The following NPIPB11 variants were observed in gnomAD, a reference collection of about 807,000 sequenced individuals.
The protein encoded by NPIPB11 is nuclear pore complex interacting protein family member B11, also known as nuclear pore complex-interacting protein family member B11.
Under a neutral mutation model 32.8 loss-of-function variants are expected in NPIPB11, and 17 were observed. That is an observed-to-expected ratio of 0.52 (90% confidence interval 0.35 to 0.78). The LOEUF is 0.78. NPIPB11 is among the 30% of genes least tolerant of loss of function. The pLI, the probability that NPIPB11 is intolerant of heterozygous loss-of-function variation, is 0.01. For missense variants in NPIPB11, 537 were observed against 1,000.4 expected (o/e 0.54, Z 6.25); for synonymous variants, 209 against 398.4 (o/e 0.52, Z 5.66).
At chr16:29,389,448 T>G (rs1596674387) in intron 5 of NPIPB11, among the ~76,000 whole-genome samples, 2 of 128,026 alleles carry the variant, frequency 1.6e-5, no homozygotes, top group African/African-American at 6.0e-5. Flanking sequence ...CTGAGGCAGG[T>G]GGATTACCTG....
intron 2 of NPIPB11, among the ~76,000 whole-genome samples, chr16:29,397,937 T>A (rs1963902785): frequency 2.2e-5 from 2 of 91,436 alleles, no homozygotes; most frequent in South Asian, 6.9e-4. Context: ...ACGGAGAAGA[T>A]CAGGGAAGCA....
At chr16:29,394,669 C>A (rs1048874481) in intron 2 of NPIPB11, among the ~76,000 whole-genome samples, 2 of 151,992 alleles carry the variant, frequency 1.3e-5, no homozygotes, top group African/African-American at 2.4e-5. Context: ...TCCTGACAGG[C>A]GATCTGCCTG....
chr16:29,394,092 T>A lies in NPIPB11; in HGVS notation c.121-16A>T. 1 of 1,594,688 alleles carries A rather than the reference T, an allele frequency of 6.3e-7. No individual in the cohort carries two copies. Reference sequence around the variant, plus strand: ...TATTGATAACCTGGAATAATAATAGTTGAAATAATGAAAAGGTCAATGACA... The same window carrying A: ...TATTGATAACCTGGAATAATAATAGATGAAATAATGAAAAGGTCAATGACA... On this transcript the variant is annotated splice_polypyrimidine_tract_variant and intron_variant, in intron 2 of 7. Coordinates refer to ENST00000524087, the Ensembl canonical transcript of NPIPB11.
intron 3 of NPIPB11, among the ~76,000 whole-genome samples, chr16:29,392,213 G>A (rs1963739392): frequency 6.6e-6 from 1 of 152,150 alleles, no homozygotes; most frequent in African/African-American, 2.4e-5. Flanking sequence ...TTGGAGCTAG[G>A]AGAAATGTCA....
intron 2 of NPIPB11, among the ~76,000 whole-genome samples, chr16:29,401,082 A>C (rs933356601): frequency 6.6e-6 from 1 of 152,026 alleles, no homozygotes. Context: ...AGGCCCCACG[A>C]TGTTTTGGGA....
chr16:29,397,547 G>C (rs545977854), intron 2 of NPIPB11: 18 of 1,513,016 alleles, frequency 1.2e-5, no homozygotes, highest in Non-Finnish European at 1.2e-5. Flanking sequence ...AAGAAACCCC[G>C]AGGGTCCAGC....
At position 29,393,949 on chromosome 16, in the gene NPIPB11, C is replaced by G. The variant is rs1596678044; in HGVS notation, c.248G>C (p.Trp83Ser). Reference sequence around the variant, plus strand: ...TCTACAGAAAGTTAGTATACTCACCCAAAGGTAAACTATCCAGAGGGTAAT... The same window carrying G: ...TCTACAGAAAGTTAGTATACTCACCGAAAGGTAAACTATCCAGAGGGTAAT... The change falls in exon 3 of 8, where the codon TGG becomes TCG. Residue 83 changes from tryptophan to serine, a missense_variant and splice_region_variant. Coordinates refer to ENST00000524087, the Ensembl canonical transcript of NPIPB11. 5 of 1,596,204 alleles carry G rather than the reference C, an allele frequency of 3.1e-6. No homozygotes were observed. In the East Asian group the frequency reaches 1.1e-4, roughly 36 times the overall value.
intron 5 of NPIPB11, among the ~76,000 whole-genome samples, chr16:29,389,374 A>T (rs1963652658): frequency 7.2e-6 from 1 of 139,162 alleles, no homozygotes. Context: ...AATTAAAAAA[A>T]AAAAAAAAAA....
chr16:29,405,689 T>C (rs1964098839), upstream of NPIPB11, among the ~76,000 whole-genome samples: 2 of 152,136 alleles, frequency 1.3e-5, no homozygotes, highest in Admixed American at 1.3e-4. Context: ...CTCCAGCCCA[T>C]GGAGAATAAT....
At chr16:29,405,463 A>T (rs1964093560), upstream of NPIPB11, among the ~76,000 whole-genome samples, 1 of 152,186 alleles carries the variant, frequency 6.6e-6, no homozygotes, top group Admixed American at 6.5e-5. Flanking sequence ...GTTAACATTA[A>T]TTAAGCCGTC....
intron 2 of NPIPB11, among the ~76,000 whole-genome samples, chr16:29,402,724 C>CTCTGTGTGTGTGTG (rs1449821025): frequency 2.6e-4 from 31 of 119,668 alleles, no homozygotes; most frequent in East Asian, 8.6e-4. Context: ...CTCTCTCTCT[C>CTCTGTGTGTGTGTG]TGTGTGTGTG....
chr16:29,406,398 G>C, upstream of NPIPB11, among the ~76,000 whole-genome samples: 2 of 131,428 alleles, frequency 1.5e-5, no homozygotes, highest in Admixed American at 1.5e-4. Context: ...TATGCTAAAT[G>C]TTTGCTAAAG....
chr16:29,401,796 G>A (rs1370406708), intron 2 of NPIPB11, among the ~76,000 whole-genome samples: 1 of 152,088 alleles, frequency 6.6e-6, no homozygotes, highest in Non-Finnish European at 1.5e-5. Flanking sequence ...CCCATATGGA[G>A]GCTGCTCCTT....
chr16:29,397,589 A>G (rs1391512887), intron 2 of NPIPB11: 1 of 1,513,502 alleles, frequency 6.6e-7, no homozygotes, highest in Non-Finnish European at 8.9e-7. Flanking sequence ...GATGGCTGAT[A>G]AATTCCAGCA....
At chr16:29,393,480 A>G (rs1442517334) in intron 3 of NPIPB11, among the ~76,000 whole-genome samples, 1 of 152,024 alleles carries the variant, frequency 6.6e-6, no homozygotes, top group Non-Finnish European at 1.5e-5. Flanking sequence ...CGGCAGTTCT[A>G]GCAGTCTCAT....
At chr16:29,394,433 T>TC (rs1179956023) in intron 2 of NPIPB11, among the ~76,000 whole-genome samples, 4 of 149,858 alleles carry the variant, frequency 2.7e-5, no homozygotes, top group Non-Finnish European at 6.0e-5. Flanking sequence ...AAACCTCTTT[T>TC]TTTTTTTTTT....
chr16:29,399,762 T>C (rs1284764998), intron 2 of NPIPB11, among the ~76,000 whole-genome samples: 1 of 150,594 alleles, frequency 6.6e-6, no homozygotes, highest in East Asian at 2.0e-4. Flanking sequence ...TTCAATTCTA[T>C]TTATATGCTG....
chr16:29,402,976 A>G (rs1457839254), intron 2 of NPIPB11, among the ~76,000 whole-genome samples: 7 of 150,510 alleles, frequency 4.7e-5, no homozygotes, highest in African/African-American at 1.5e-4. Context: ...ATTCAAAATT[A>G]TAGAACATAT....
At chr16:29,406,685 G>A (rs1473173134), upstream of NPIPB11, among the ~76,000 whole-genome samples, 8 of 152,128 alleles carry the variant, frequency 5.3e-5, no homozygotes, top group African/African-American at 1.4e-4. Context: ...CTGCACTCCC[G>A]CCTGGGTGAC....
Sources: gnomAD v4.1 joint callset for allele counts (sites outside exome capture counted in the v4.1 genomes callset) on GRCh38, gnomAD v4.1.1 for gene constraint, MANE v1.5 for transcripts, NCBI Gene and HGNC (gene_info 2026-07-23, HGNC 2026-07-21) for gene names.